Variants in FXR1 observed in about 807,000 individuals in gnomAD.
FXR1 encodes the protein FMR1 autosomal homolog 1.
FXR1 carries 15 observed loss-of-function variants against 84.0 expected under a neutral mutation model. The observed-to-expected ratio is 0.18, with a 90% CI of 0.12 to 0.27. FXR1 has a LOEUF of 0.27. Ranked by LOEUF, FXR1 falls within the 10% of genes least tolerant of loss-of-function variation. The pLI is 1.00. For synonymous variants in FXR1, 245 were observed against 250.7 expected (o/e 0.98, Z 0.21); for missense variants, 480 against 774.4 (o/e 0.62, Z 4.51).
At chr3:180,939,756 G>C (rs1024851526) in intron 3 of FXR1, among the ~76,000 whole-genome samples, 5 of 152,148 alleles carry the variant, frequency 3.3e-5, no homozygotes, top group Non-Finnish European at 7.3e-5. Flanking sequence ...GTATTCAGAG[G>C]GTTTGGTCAG....
At position 180,948,281 on chromosome 3, in the gene FXR1, GAACTTCATTTA is replaced by G. The variant is rs1432934976; in HGVS notation, c.271-56_271-46del. ...TTGGTTAAGCTGAGCAAGGTAATTA[GAACTTCATTTA>G]AACTTCATTATTTTTGTTCAGATGG... On this transcript the variant is annotated intron_variant, in intron 4 of 16. Transcript: ENST00000357559. 16 of 1,191,494 alleles carry G rather than the reference GAACTTCATTTA, an allele frequency of 1.3e-5. No homozygotes were observed. The African/African-American group carries it at 2.4e-4, about 18-fold the overall frequency. The allele number at this position is 1,191,494 out of a possible 1,614,324, so 73.8% of individuals were successfully genotyped here.
At chr3:180,958,541 A>T (rs1241040011) in intron 10 of FXR1, among the ~76,000 whole-genome samples, 1 of 152,136 alleles carries the variant, frequency 6.6e-6, no homozygotes, top group Non-Finnish European at 1.5e-5. Context: ...CCTCCATCCA[A>T]GTTGCTGCAA....
At chr3:180,957,531 A>G (rs1272770585) in intron 9 of FXR1, 2 of 241,424 alleles carry the variant, frequency 8.3e-6, no homozygotes, top group East Asian at 8.1e-5. Flanking sequence ...AAAAATATGA[A>G]AATGATATAA....
intron 13 of FXR1, among the ~76,000 whole-genome samples, chr3:180,967,105 C>G (rs1712932330): frequency 6.6e-6 from 1 of 152,156 alleles, no homozygotes; most frequent in South Asian, 2.1e-4. Context: ...GAGAGACCTT[C>G]TGTTTCAGAG....
At chr3:180,972,197 C>T (rs919115949) in intron 15 of FXR1, among the ~76,000 whole-genome samples, 1 of 152,208 alleles carries the variant, frequency 6.6e-6, no homozygotes, top group Non-Finnish European at 1.5e-5. Flanking sequence ...GGTGCAGTGG[C>T]TCATACCTGT....
intron 14 of FXR1, 75 bp from the exon 15 acceptor site, chr3:180,970,083 T>C (rs991367304): frequency 3.9e-5 from 27 of 690,536 alleles, no homozygotes; most frequent in South Asian, 3.8e-4. Context: ...GTCATTGATA[T>C]AGTTCAATAT....
At chr3:180,965,911 T>C (rs188286535) in intron 13 of FXR1, among the ~76,000 whole-genome samples, 1 of 152,310 alleles carries the variant, frequency 6.6e-6, no homozygotes, top group East Asian at 1.9e-4. Flanking sequence ...AAGACTTTAC[T>C]TGCTGTGACA....
At chr3:180,914,379 G>A (rs1369143964) in intron 1 of FXR1, among the ~76,000 whole-genome samples, 1 of 151,830 alleles carries the variant, frequency 6.6e-6, no homozygotes, top group African/African-American at 2.4e-5. Context: ...CCCCTTTCCC[G>A]AAAAGTTTTA....
rs1714473972 is a variant in FXR1, at chr3:180,979,038, C to T, written c.*2746C>T. On this transcript the variant is annotated 3_prime_UTR_variant, in exon 17 of 17. Transcript: ENST00000357559. Reference sequence around the variant, plus strand: ...TAATGTGGAATTAGAAGCAGCACATCAAACTGGTGAGTTCACAGAAACTTA... The same window carrying T: ...TAATGTGGAATTAGAAGCAGCACATTAAACTGGTGAGTTCACAGAAACTTA... 1 of 152,102 alleles carries T rather than the reference C, an allele frequency of 6.6e-6. No homozygotes were observed. The allele number at this position is 152,102 out of a possible 1,614,324, so 9.4% of individuals were successfully genotyped here.
chr3:180,921,230 T>C (rs1718550756), intron 1 of FXR1, among the ~76,000 whole-genome samples: 1 of 151,902 alleles, frequency 6.6e-6, no homozygotes, highest in Non-Finnish European at 1.5e-5. Context: ...TAGCAGGGCA[T>C]GGTGGCTGGT....
At chr3:180,946,712 C>A (rs1261861347) in intron 3 of FXR1, among the ~76,000 whole-genome samples, 1 of 152,144 alleles carries the variant, frequency 6.6e-6, no homozygotes, top group African/African-American at 2.4e-5. Flanking sequence ...CTACCACTTC[C>A]AAGATTACTC....
chr3:180,978,283 CAA>C lies in FXR1; in HGVS notation c.*1994_*1995del, dbSNP rs1714414611. On this transcript the variant is annotated 3_prime_UTR_variant, in exon 17 of 17. Coordinates refer to ENST00000357559, the MANE Select transcript of FXR1 (RefSeq NM_005087.4). ...ATGGTTTCAATGGGAATGGAAGAAACAAAATCTTAAAAGAGTGAGTATAGCTG... is the reference window on the plus strand; with the variant it reads ...ATGGTTTCAATGGGAATGGAAGAAACAATCTTAAAAGAGTGAGTATAGCTG... 6.9e-6 allele frequency: 1 copy of C among 145,754 alleles called. No individual in the cohort carries two copies. Among genetic ancestry groups the C allele is most frequent in the African/African-American group, 2.5e-5 (1 of 40,478 alleles). The allele number at this position is 145,754 out of a possible 1,614,324, so 9.0% of individuals were successfully genotyped here.
intron 9 of FXR1, chr3:180,957,563 T>A: frequency 3.1e-6 from 1 of 325,582 alleles, no homozygotes; most frequent in Non-Finnish European, 5.6e-6. Flanking sequence ...AAGTCTAGAT[T>A]TTGAGAATTC....
intron 3 of FXR1, among the ~76,000 whole-genome samples, chr3:180,945,694 G>T (rs1405757586): frequency 9.9e-5 from 15 of 152,220 alleles, no homozygotes; most frequent in Admixed American, 9.8e-4. Flanking sequence ...ATAGGTGTAA[G>T]CCACCGTGCC....
chr3:180,926,952 C>G (rs1719300621), intron 1 of FXR1, among the ~76,000 whole-genome samples: 1 of 151,994 alleles, frequency 6.6e-6, no homozygotes, highest in African/African-American at 2.4e-5. Flanking sequence ...GACATCTGTA[C>G]AGATTTCTAA....
chr3:180,967,932 T>C, intron 13 of FXR1, 119 bp from the exon 14 acceptor site: 1 of 662,302 alleles, frequency 1.5e-6, no homozygotes, highest in Non-Finnish European at 2.7e-6. Context: ...CATGGATCTT[T>C]CTTTGAAGCA....
intron 15 of FXR1, among the ~76,000 whole-genome samples, chr3:180,973,672 C>T (rs189999475): frequency 7.2e-5 from 11 of 152,198 alleles, no homozygotes; most frequent in East Asian, 5.8e-4. Flanking sequence ...TCAAGATGAG[C>T]GTACTGTTTC....
At chr3:180,944,437 C>T (rs1721473715) in intron 3 of FXR1, among the ~76,000 whole-genome samples, 1 of 151,480 alleles carries the variant, frequency 6.6e-6, no homozygotes. Context: ...CCTCCTTCCT[C>T]AGCCTCCCAA....
intron 8 of FXR1, among the ~76,000 whole-genome samples, chr3:180,951,978 G>A (rs1412804347): frequency 6.6e-6 from 1 of 152,168 alleles, no homozygotes; most frequent in African/African-American, 2.4e-5. Context: ...GAGGCAGGAG[G>A]ATTGCTTGAG....
Sources: gnomAD v4.1 joint callset for allele counts (sites outside exome capture counted in the v4.1 genomes callset) on GRCh38, gnomAD v4.1.1 for gene constraint, MANE v1.5 for transcripts, NCBI Gene and HGNC (gene_info 2026-07-23, HGNC 2026-07-21) for gene names.